Variants in DENND1A observed in about 807,000 individuals in gnomAD.
DENND1A encodes the protein DENN domain-containing protein 1A.
In DENND1A, 51 loss-of-function variants were observed where a neutral mutation model predicts 113.7. The observed-to-expected ratio is 0.45, with a 90% CI of 0.36 to 0.57. DENND1A has a LOEUF of 0.57. Ranked by LOEUF, DENND1A falls within the 20% of genes least tolerant of loss-of-function variation. The pLI is 0.00. For synonymous variants in DENND1A, 565 were observed against 570.8 expected (o/e 0.99, Z 0.14); for missense variants, 1,258 against 1,395.9 (o/e 0.90, Z 1.57).
At chr9:123,607,488 G>GACACACACACACACAC (rs10557656) in intron 11 of DENND1A, among the ~76,000 whole-genome samples, 53 of 71,060 alleles carry the variant, frequency 7.5e-4, no homozygotes, top group African/African-American at 3.2e-3. Context: ...CAGAGAGAGA[G>GACACACACACACACAC]ACACACACAC....
intron 5 of DENND1A, among the ~76,000 whole-genome samples, chr9:123,690,804 C>T (rs2065143028): frequency 6.6e-6 from 1 of 152,370 alleles, no homozygotes; most frequent in East Asian, 1.9e-4. Flanking sequence ...ATGCAACAGC[C>T]CTCCTGCTTC....
At chr9:123,818,620 C>T in intron 2 of DENND1A, among the ~76,000 whole-genome samples, 1 of 149,628 alleles carries the variant, frequency 6.7e-6, no homozygotes. Context: ...AGTCTAAACA[C>T]AAAATTCATT....
chr9:123,501,071 A>G (rs1300695672), intron 13 of DENND1A, among the ~76,000 whole-genome samples: 1 of 152,216 alleles, frequency 6.6e-6, no homozygotes, highest in Non-Finnish European at 1.5e-5. Flanking sequence ...TAAAACTGAA[A>G]TTCTGTAGGC....
chr9:123,756,094 T>C (rs1400682268), intron 5 of DENND1A, among the ~76,000 whole-genome samples: 1 of 152,144 alleles, frequency 6.6e-6, no homozygotes, highest in East Asian at 1.9e-4. Flanking sequence ...TATTTTTTAG[T>C]TAGAGACAGG....
At chr9:123,565,236 C>T (rs761594139) in intron 12 of DENND1A, among the ~76,000 whole-genome samples, 2 of 152,142 alleles carry the variant, frequency 1.3e-5, no homozygotes, top group South Asian at 2.1e-4. Context: ...AAGTGATCCA[C>T]CCCCATTGGC....
intron 12 of DENND1A, among the ~76,000 whole-genome samples, chr9:123,576,514 T>C (rs12352322): frequency 0.099 from 15,019 of 152,198 alleles, 814 homozygotes; most frequent in South Asian, 0.14. Flanking sequence ...TGCCTTTTTT[T>C]TTGAGATGGA....
intron 2 of DENND1A, among the ~76,000 whole-genome samples, chr9:123,833,317 T>C (rs1840563020): frequency 6.6e-6 from 1 of 152,174 alleles, no homozygotes; most frequent in Non-Finnish European, 1.5e-5. Flanking sequence ...TATTTCTGCA[T>C]TTTCCTGTTT....
intron 21 of DENND1A, among the ~76,000 whole-genome samples, chr9:123,393,538 T>TA (rs556159877): frequency 0.14 from 18,694 of 131,590 alleles, 1,270 homozygotes; most frequent in East Asian, 0.31. Context: ...CTTAAAAAAA[T>TA]AAAAAAAAAA....
At chr9:123,648,242 T>G (rs1000941695) in intron 9 of DENND1A, among the ~76,000 whole-genome samples, 2 of 152,160 alleles carry the variant, frequency 1.3e-5, no homozygotes, top group African/African-American at 4.8e-5. Context: ...ACCACGCTCA[T>G]TTTTAATTTT....
intron 9 of DENND1A, among the ~76,000 whole-genome samples, chr9:123,638,254 A>G (rs1029717753): frequency 6.6e-6 from 1 of 152,208 alleles, no homozygotes; most frequent in African/African-American, 2.4e-5. Context: ...GTGGTAAACC[A>G]CACTGTAAAT....
intron 13 of DENND1A, among the ~76,000 whole-genome samples, chr9:123,488,407 A>G (rs760430296): frequency 1.3e-5 from 2 of 152,390 alleles, no homozygotes; most frequent in East Asian, 3.9e-4. Context: ...AAAAGACACC[A>G]CAGCCTCTGA....
At chr9:123,847,760 C>T (rs1046223651) in intron 2 of DENND1A, among the ~76,000 whole-genome samples, 1 of 152,114 alleles carries the variant, frequency 6.6e-6, no homozygotes, top group Admixed American at 6.5e-5. Flanking sequence ...TATGGCAAAA[C>T]CTTGTCTCTA....
intron 13 of DENND1A, among the ~76,000 whole-genome samples, chr9:123,523,704 C>T (rs1175575374): frequency 6.6e-6 from 1 of 152,206 alleles, no homozygotes; most frequent in Non-Finnish European, 1.5e-5. Flanking sequence ...GTGCAAAGGG[C>T]TCTGCTCCTC....
At chr9:123,423,914 G>A (rs115408062) in intron 19 of DENND1A, among the ~76,000 whole-genome samples, 2 of 152,298 alleles carry the variant, frequency 1.3e-5, no homozygotes, top group African/African-American at 4.8e-5. Context: ...GGGGCTACCC[G>A]TAAAGTTGGT....
intron 2 of DENND1A, among the ~76,000 whole-genome samples, chr9:123,799,085 T>C (rs992470396): frequency 6.6e-6 from 1 of 152,176 alleles, no homozygotes; most frequent in African/African-American, 2.4e-5. Context: ...GTATTACAAA[T>C]ATGACATCAC....
intron 12 of DENND1A, among the ~76,000 whole-genome samples, chr9:123,573,030 T>G (rs72757119): frequency 6.6e-6 from 1 of 152,270 alleles, no homozygotes; most frequent in Non-Finnish European, 1.5e-5. Context: ...CCAGCACGTT[T>G]GTTGGAATAA....
chr9:123,523,270 T>C (rs567147429), intron 13 of DENND1A, among the ~76,000 whole-genome samples: 1 of 152,244 alleles, frequency 6.6e-6, no homozygotes, highest in South Asian at 2.1e-4. Context: ...CTTAGGCTAA[T>C]CCCCAACAGC....
At chr9:123,897,964 G>C (rs1409588405) in intron 1 of DENND1A, among the ~76,000 whole-genome samples, 2 of 149,226 alleles carry the variant, frequency 1.3e-5, no homozygotes, top group Non-Finnish European at 1.5e-5. Flanking sequence ...AAAAAAAAAG[G>C]TCCACAGGTC....
intron 1 of DENND1A, among the ~76,000 whole-genome samples, chr9:123,904,677 T>C (rs1308324360): frequency 2.0e-5 from 3 of 150,200 alleles, no homozygotes; most frequent in African/African-American, 7.5e-5. Context: ...TAAAAAGAAA[T>C]GAGCAAAGCC....
Sources: gnomAD v4.1 joint callset for allele counts (sites outside exome capture counted in the v4.1 genomes callset) on GRCh38, gnomAD v4.1.1 for gene constraint, MANE v1.5 for transcripts, NCBI Gene and HGNC (gene_info 2026-07-23, HGNC 2026-07-21) for gene names.